TRAK1: variants seen among roughly 807,000 people sequenced by gnomAD.
TRAK1 encodes the protein trafficking kinesin-binding protein 1.
TRAK1 carries 33 observed loss-of-function variants against 92.1 expected under a neutral mutation model. The observed-to-expected ratio is 0.36, with a 90% CI of 0.27 to 0.48. The LOEUF (loss-of-function observed/expected upper bound fraction) is 0.48, where lower values mean the gene tolerates loss of function less well. Among genes scored for constraint, TRAK1 ranks in the 20% least tolerant of loss-of-function variants. TRAK1 has a pLI of 0.99. For missense variants in TRAK1, 1,123 were observed against 1,257.9 expected (o/e 0.89, Z 1.62); for synonymous variants, 521 against 517.3 (o/e 1.01, Z -0.10).
chr3:42,059,784 C>T (rs1703350402), intron 1 of TRAK1, among the ~76,000 whole-genome samples: 1 of 152,176 alleles, frequency 6.6e-6, no homozygotes, highest in African/African-American at 2.4e-5. Context: ...AACTTAGATT[C>T]TTGTTCTGGC....
chr3:42,091,895 A>G (rs1008276264), intron 1 of TRAK1, among the ~76,000 whole-genome samples: 7 of 151,890 alleles, frequency 4.6e-5, no homozygotes, highest in Non-Finnish European at 8.8e-5. Context: ...TTCCCTTCAC[A>G]GTTCTCTGCA....
Position 42,202,703 on chromosome 3 carries a change from C to T in TRAK1, c.1695C>T (p.Ser565=). The change falls in exon 13 of 16, where the codon AGC becomes AGT. Residue 565 remains serine (S), a synonymous_variant. Transcript: ENST00000327628. The surrounding 1 kb of genome is among the most constrained non-coding windows in gnomAD (Gnocchi z 6.1). ...EFTGFSGMSF[S]SRSYLPEKLQ... ...CCGGCTTCTCTGGCATGTCCTTCAGCAGCCGCTCCTACCTGCCTGAGAAGC... is the reference window on the plus strand; with the variant it reads ...CCGGCTTCTCTGGCATGTCCTTCAGTAGCCGCTCCTACCTGCCTGAGAAGC... The T allele has an allele frequency of 3.1e-6, 5 of 1,613,940 alleles. No homozygotes were observed. Among genetic ancestry groups the T allele is most frequent in the Non-Finnish European group, 4.2e-6 (5 of 1,179,988 alleles).
At chr3:42,074,174 A>G (rs532796952) in intron 1 of TRAK1, among the ~76,000 whole-genome samples, 93 of 152,326 alleles carry the variant, frequency 6.1e-4, no homozygotes, top group Non-Finnish European at 1.2e-3. Flanking sequence ...CTAGACTCGC[A>G]TCCTAGGCAA....
chr3:42,139,144 T>C (rs896569314), intron 2 of TRAK1, among the ~76,000 whole-genome samples: 8 of 152,156 alleles, frequency 5.3e-5, no homozygotes, highest in African/African-American at 1.9e-4. Context: ...TTATAAGTAG[T>C]TATCAAGAAT....
At chr3:42,147,257 A>G (rs1699433641) in intron 2 of TRAK1, among the ~76,000 whole-genome samples, 1 of 152,218 alleles carries the variant, frequency 6.6e-6, no homozygotes, top group Non-Finnish European at 1.5e-5. Context: ...GAAAATGTAT[A>G]TTCAAGTTGG....
intron 1 of TRAK1, among the ~76,000 whole-genome samples, chr3:42,063,419 C>T (rs1018704941): frequency 6.6e-6 from 1 of 152,226 alleles, no homozygotes; most frequent in Non-Finnish European, 1.5e-5. Flanking sequence ...GGTGTGGTGG[C>T]TTGTGCCTGT....
intron 2 of TRAK1, among the ~76,000 whole-genome samples, chr3:42,139,175 A>G (rs900762698): frequency 4.6e-5 from 7 of 152,148 alleles, no homozygotes; most frequent in Admixed American, 3.3e-4. Context: ...TAAATGCCCA[A>G]GTACTCTGGC....
At chr3:42,119,369 A>G (rs1470462963) in intron 1 of TRAK1, among the ~76,000 whole-genome samples, 1 of 152,168 alleles carries the variant, frequency 6.6e-6, no homozygotes, top group African/African-American at 2.4e-5. Flanking sequence ...GATTTGTGAA[A>G]AAAATGTGTT....
At chr3:42,100,178 C>G (rs775293907) in intron 1 of TRAK1, among the ~76,000 whole-genome samples, 23 of 152,118 alleles carry the variant, frequency 1.5e-4, no homozygotes, top group Non-Finnish European at 2.8e-4. Context: ...ACTATGAAGG[C>G]AACATAGTGA....
At chr3:42,026,270 A>G (rs1397413598) in intron 1 of TRAK1, among the ~76,000 whole-genome samples, 1 of 152,182 alleles carries the variant, frequency 6.6e-6, no homozygotes, top group Non-Finnish European at 1.5e-5. Context: ...AATGTGGGTA[A>G]GTCTCAGGGT....
chr3:42,144,879 A>G lies in TRAK1; in HGVS notation c.286+19265A>G, dbSNP rs1005226654. 2.6e-5 allele frequency among the ~76,000 whole-genome samples: 4 copies of G among 152,232 alleles called. No homozygotes were observed. In the South Asian group the frequency reaches 8.3e-4, roughly 32 times the overall value. The stretch of plus-strand genomic sequence containing the variant: ...TTTATAGTGAAAGCTAATCTTTTAT[A>G]TAGCTCTTGGGATTAGTTGAACCCT... On this transcript the variant is annotated intron_variant, in intron 2 of 15. Transcript: ENST00000327628.
Position 42,171,810 on chromosome 3 carries a change from C to T in TRAK1, c.287-5004C>T, listed in dbSNP as rs115942897. Among the ~76,000 whole-genome samples, 602 of 152,240 alleles carry T rather than the reference C, an allele frequency of 4.0e-3. 3 individuals are homozygous for T. Among genetic ancestry groups the T allele is most frequent in the African/African-American group, 0.014 (575 of 41,540 alleles). On this transcript the variant is annotated intron_variant, in intron 2 of 15. Coordinates refer to ENST00000327628, the MANE Select transcript of TRAK1 (RefSeq NM_001042646.3). ...TCTGTTCTCTTCTGGGCCTGCACAC[C>T]GTATGTTTGGGGTTTTTTGGCTGGC...
Position 42,145,484 on chromosome 3 carries a change from CA to C in TRAK1, c.286+19886del, listed in dbSNP as rs11381054. Among the ~76,000 whole-genome samples the C allele has an allele frequency of 3.8e-3, 345 of 89,616 alleles. 1 individual carries two copies. The highest frequency in any genetic ancestry group is 0.01 in the African/African-American group (237 of 23,372). 58.8% of individuals were successfully genotyped at this position (89,616 alleles called of 152,430 possible). A position where few individuals can be genotyped will look rare whatever the true frequency, so the allele number is the denominator to read the frequency against. ...TGGACAACAGAGTGAGACTCTGTCTCAAAAAAAAAAAAAAAACCTATGTGCG... is the reference window on the plus strand; with the variant it reads ...TGGACAACAGAGTGAGACTCTGTCTCAAAAAAAAAAAAAAACCTATGTGCG... On this transcript the variant is annotated intron_variant, in intron 2 of 15. Coordinates refer to ENST00000327628, the MANE Select transcript of TRAK1 (RefSeq NM_001042646.3).
At chr3:42,088,539 T>C (rs781037258), upstream of TRAK1, among the ~76,000 whole-genome samples, 1 of 152,256 alleles carries the variant, frequency 6.6e-6, no homozygotes, top group African/African-American at 2.4e-5. Context: ...TCTTCGGAAA[T>C]AGAATCCTTC....
chr3:42,203,810 T>G, intron 13 of TRAK1: 13 of 841,402 alleles, frequency 1.5e-5, no homozygotes, highest in Non-Finnish European at 1.9e-5. Context: ...GTTTATGTAC[T>G]ATATGTATAT....
chr3:42,182,938 A>G (rs1339451793), intron 3 of TRAK1, among the ~76,000 whole-genome samples: 1 of 152,118 alleles, frequency 6.6e-6, no homozygotes. Context: ...CCTTTACTCT[A>G]CCTTCATTTA....
intron 1 of TRAK1, among the ~76,000 whole-genome samples, chr3:42,073,381 A>G (rs959530665): frequency 2.2e-4 from 34 of 152,216 alleles, no homozygotes; most frequent in Admixed American, 2.1e-3. Flanking sequence ...CCTTCACAGC[A>G]TAGTGTAGCA....
intron 1 of TRAK1, among the ~76,000 whole-genome samples, chr3:42,076,381 A>G (rs1345004405): frequency 6.6e-6 from 1 of 150,522 alleles, no homozygotes; most frequent in Non-Finnish European, 1.5e-5. Flanking sequence ...GCTCGCCACC[A>G]CGCCCAGCTG....
chr3:42,110,938 G>C (rs754650682), intron 1 of TRAK1, among the ~76,000 whole-genome samples: 3 of 152,174 alleles, frequency 2.0e-5, no homozygotes, highest in Non-Finnish European at 4.4e-5. Flanking sequence ...CCCTGTCTTT[G>C]CCCTCTTGGA....
Sources: allele counts gnomAD v4.1 joint callset (sites outside exome capture counted in the v4.1 genomes callset), GRCh38; gene constraint gnomAD v4.1.1; non-coding constraint Gnocchi (gnomAD v3.1); transcripts MANE v1.5; gene names NCBI Gene and HGNC (gene_info 2026-07-23, HGNC 2026-07-21).